Variants in ASCC3 observed in about 807,000 individuals in gnomAD.
ASCC3 encodes the protein activating signal cointegrator 1 complex subunit 3, also known as ASC-1 complex subunit P200.
In ASCC3, 158 loss-of-function variants were observed where a neutral mutation model predicts 256.3. The observed-to-expected ratio is 0.62, with a 90% CI of 0.54 to 0.70. ASCC3 has a LOEUF of 0.70. Among genes scored for constraint, ASCC3 ranks in the 30% least tolerant of loss-of-function variants. ASCC3 has a pLI of 0.00. For synonymous variants in ASCC3, 948 were observed against 883.4 expected (o/e 1.07, Z -1.30); for missense variants, 2,259 against 2,626.0 (o/e 0.86, Z 3.05).
At chr6:100,858,242 G>T in intron 3 of ASCC3, 3 of 532,012 alleles carry the variant, frequency 5.6e-6, no homozygotes, top group Non-Finnish European at 7.2e-6. Flanking sequence ...TATTAACCTT[G>T]TTAAATTCAT....
intron 13 of ASCC3, among the ~76,000 whole-genome samples, chr6:100,690,541 A>G (rs530212474): frequency 6.6e-6 from 1 of 152,292 alleles, no homozygotes; most frequent in Non-Finnish European, 1.5e-5. Flanking sequence ...GAGTGTATCA[A>G]TTCGCATTTA....
chr6:100,591,056 G>A (rs1771976964), intron 34 of ASCC3, among the ~76,000 whole-genome samples: 2 of 151,892 alleles, frequency 1.3e-5, no homozygotes, highest in South Asian at 2.1e-4. Context: ...CTTTAATTTT[G>A]ATCTATTGAA....
chr6:100,615,621 CTTAGTTTAGTAAAAGTA>C (rs1430967308), intron 30 of ASCC3, among the ~76,000 whole-genome samples: 1 of 152,142 alleles, frequency 6.6e-6, no homozygotes, highest in African/African-American at 2.4e-5. Flanking sequence ...TCACTTAATA[CTTAGTTTAGTAAAAGTA>C]AACTACTATT....
intron 34 of ASCC3, among the ~76,000 whole-genome samples, chr6:100,594,399 T>C (rs189373156): frequency 5.3e-5 from 8 of 152,264 alleles, no homozygotes; most frequent in African/African-American, 9.6e-5. Context: ...ACAATTACTT[T>C]AGCATTTTAA....
intron 37 of ASCC3, among the ~76,000 whole-genome samples, chr6:100,524,784 C>T (rs1015965452): frequency 5.9e-5 from 9 of 152,056 alleles, no homozygotes; most frequent in Admixed American, 5.9e-4. Flanking sequence ...GTTCTCTCTT[C>T]CTCCTCCCTT....
At chr6:100,576,491 G>A (rs1269029101) in intron 36 of ASCC3, among the ~76,000 whole-genome samples, 2 of 151,620 alleles carry the variant, frequency 1.3e-5, no homozygotes, top group African/African-American at 4.8e-5. Flanking sequence ...AGAATATGTC[G>A]AAAAGGAAAT....
Position 100,662,037 on chromosome 6 carries a change from G to C in ASCC3, c.2479-7C>G. The C allele has an allele frequency of 6.2e-7, 1 of 1,611,696 alleles. No individual in the cohort carries two copies. The highest frequency in any genetic ancestry group is 1.3e-5 in the African/African-American group (1 of 74,918). ...CAGCATATATTTGTGTTCCCTAGAT[G>C]AGGAAAAGTTAACAAAAATTTACAT... On this transcript the variant is annotated splice_polypyrimidine_tract_variant and splice_region_variant and intron_variant, in intron 15 of 41. Transcript: ENST00000369162.
chr6:100,634,396 T>G (rs1030661815), intron 25 of ASCC3, among the ~76,000 whole-genome samples: 25 of 152,074 alleles, frequency 1.6e-4, no homozygotes, highest in African/African-American at 6.0e-4. Context: ...TCTCCTTATC[T>G]CTCCCTTCCC....
At chr6:100,699,074 T>G (rs1236799528) in intron 13 of ASCC3, among the ~76,000 whole-genome samples, 1 of 152,142 alleles carries the variant, frequency 6.6e-6, no homozygotes, top group East Asian at 1.9e-4. Flanking sequence ...ATATATAGCC[T>G]AGGTACATGG....
chr6:100,849,845 A>G (rs185281062), intron 3 of ASCC3, among the ~76,000 whole-genome samples: 26 of 152,250 alleles, frequency 1.7e-4, no homozygotes, highest in Admixed American at 1.6e-3. Flanking sequence ...CCCGCCTGTA[A>G]TCCCAGCACT....
chr6:100,739,452 C>T (rs767299070), intron 10 of ASCC3, among the ~76,000 whole-genome samples: 3 of 152,176 alleles, frequency 2.0e-5, no homozygotes, highest in Non-Finnish European at 4.4e-5. Context: ...ATGCTGGCCT[C>T]ACAAAATGAG....
At chr6:100,750,337 T>C (rs532399523) in intron 10 of ASCC3, among the ~76,000 whole-genome samples, 36 of 152,166 alleles carry the variant, frequency 2.4e-4, no homozygotes, top group African/African-American at 8.4e-4. Flanking sequence ...CTAATGAGTA[T>C]GGAGAATGCC....
chr6:100,760,898 G>A (rs1781390575), intron 10 of ASCC3, among the ~76,000 whole-genome samples: 2 of 152,116 alleles, frequency 1.3e-5, no homozygotes, highest in Admixed American at 1.3e-4. Flanking sequence ...AAGTAAAGGA[G>A]AAAACATGAC....
intron 8 of ASCC3, among the ~76,000 whole-genome samples, chr6:100,769,818 T>A (rs955447133): frequency 1.3e-5 from 2 of 151,860 alleles, no homozygotes; most frequent in East Asian, 1.9e-4. Flanking sequence ...TGAACAACTA[T>A]ATGCCAGTAA....
chr6:100,748,086 T>C (rs1429746068), intron 10 of ASCC3, among the ~76,000 whole-genome samples: 1 of 152,078 alleles, frequency 6.6e-6, no homozygotes, highest in Non-Finnish European at 1.5e-5. Flanking sequence ...CTAGGATCAA[T>C]TCTATAGATT....
rs1283602346 is a variant in ASCC3, at chr6:100,589,967, T to G, written c.5396A>C (p.Tyr1799Ser). ...EKSLIELELSYCIEIGEDNRS... is the reference protein window; with the variant it reads ...EKSLIELELSSCIEIGEDNRS... ...TCATACCTCTCCAATTTCAATACAGTAGGAAAGTTCCAATTCAATCAGGGA... is the reference window on the plus strand; with the variant it reads ...TCATACCTCTCCAATTTCAATACAGGAGGAAAGTTCCAATTCAATCAGGGA... Residue 1799 changes from tyrosine to serine, a missense_variant, in exon 35 of 42, where the codon TAC becomes TCC. Around this residue, in one of 2 missense-constraint regions of ASCC3, gnomAD observed 1,839 missense variants for 2,206.7 expected, o/e 0.83. Coordinates refer to ENST00000369162, the MANE Select transcript of ASCC3 (RefSeq NM_006828.4). 2 of 1,612,888 alleles carry G rather than the reference T, an allele frequency of 1.2e-6. No individual in the cohort carries two copies. The highest frequency in any genetic ancestry group is 2.7e-5 in the African/African-American group (2 of 75,012).
At chr6:100,877,510 T>C (rs1197789879) in intron 1 of ASCC3, among the ~76,000 whole-genome samples, 1 of 152,196 alleles carries the variant, frequency 6.6e-6, no homozygotes, top group Non-Finnish European at 1.5e-5. Flanking sequence ...ATAACCATCG[T>C]CGACACATAT....
At chr6:100,566,298 T>C (rs1044062305) in intron 36 of ASCC3, among the ~76,000 whole-genome samples, 7 of 152,232 alleles carry the variant, frequency 4.6e-5, no homozygotes, top group African/African-American at 1.4e-4. Flanking sequence ...AATAAAGAAA[T>C]TGAAGCTTAG....
chr6:100,605,121 C>T (rs1196592990), intron 33 of ASCC3, among the ~76,000 whole-genome samples: 1 of 152,100 alleles, frequency 6.6e-6, no homozygotes, highest in Admixed American at 6.6e-5. Context: ...ACTATGAAAA[C>T]CCTCACCAAA....
Sources: gnomAD v4.1 joint callset for allele counts (sites outside exome capture counted in the v4.1 genomes callset) on GRCh38, gnomAD v4.1.1 for gene constraint, gnomAD v4.1.1 regional missense constraint, MANE v1.5 for transcripts, NCBI Gene and HGNC (gene_info 2026-07-23, HGNC 2026-07-21) for gene names.